Variants in SLC12A5 observed in about 807,000 individuals in gnomAD.
SLC12A5 encodes the protein solute carrier family 12 member 5.
Under a neutral mutation model 124.0 loss-of-function variants are expected in SLC12A5, and 18 were observed. The observed-to-expected ratio is 0.15, with a 90% CI of 0.10 to 0.22. The LOEUF (loss-of-function observed/expected upper bound fraction) is 0.22. Ranked by LOEUF, SLC12A5 falls within the 10% of genes least tolerant of loss-of-function variation. SLC12A5 has a pLI of 1.00. For synonymous variants in SLC12A5, 589 were observed against 568.0 expected (o/e 1.04, Z -0.53); for missense variants, 867 against 1,478.7 (o/e 0.59, Z 6.78).
chr20:46,049,537 G>T (rs773056406), intron 16 of SLC12A5, 85 bp from the exon 17 acceptor site: 13 of 1,500,344 alleles, frequency 8.7e-6, no homozygotes, highest in Admixed American at 2.0e-5. Flanking sequence ...GAGGAGAGAT[G>T]GCTAGATGAC....
chr20:46,035,675 G>C (rs1438656686), intron 3 of SLC12A5, 102 bp from the exon 4 acceptor site: 1 of 1,518,460 alleles, frequency 6.6e-7, no homozygotes, highest in African/African-American at 1.4e-5. Flanking sequence ...GTTGAGAATA[G>C]AGAGAAGAGG....
intron 1 of SLC12A5, among the ~76,000 whole-genome samples, chr20:46,033,481 T>G (rs2084471508): frequency 6.6e-6 from 1 of 152,156 alleles, no homozygotes; most frequent in African/African-American, 2.4e-5. Context: ...CCTCGAGTGA[T>G]CTCATCTAGG....
At chr20:46,026,052 G>T (rs370734615), upstream of SLC12A5, among the ~76,000 whole-genome samples, 12 of 152,194 alleles carry the variant, frequency 7.9e-5, no homozygotes, top group African/African-American at 2.7e-4. Flanking sequence ...AGGTCAAGGG[G>T]CTGGGTTCTA....
chr20:46,054,712 G>A (rs896951108), intron 20 of SLC12A5, among the ~76,000 whole-genome samples: 1 of 152,192 alleles, frequency 6.6e-6, no homozygotes, highest in Non-Finnish European at 1.5e-5. Context: ...TGAGCTGCCT[G>A]CCTTGCAAGA....
At chr20:46,029,029 A>C, upstream of SLC12A5, 6 of 827,464 alleles carry the variant, frequency 7.3e-6, no homozygotes, top group Non-Finnish European at 6.3e-6. Flanking sequence ...CAAGGGGGCC[A>C]CTAGTCGGGC....
intron 6 of SLC12A5, among the ~76,000 whole-genome samples, chr20:46,038,828 A>G (rs1299156238): frequency 6.6e-6 from 1 of 152,224 alleles, no homozygotes; most frequent in Non-Finnish European, 1.5e-5. Context: ...GGAAACCTAG[A>G]ACTAGAAGGT....
chr20:46,046,258 CCTTTCTCT>C, intron 13 of SLC12A5, 72 bp from the exon 14 acceptor site: 1 of 1,314,096 alleles, frequency 7.6e-7, no homozygotes, highest in Non-Finnish European at 1.1e-6. Flanking sequence ...CCCCTTTCCC[CCTTTCTCT>C]GCCCATGCTG....
chr20:46,043,712 C>T lies in SLC12A5; in HGVS notation c.1317C>T (p.Ile439=), dbSNP rs10460627. Reference sequence around the variant, plus strand: ...TCCCCACTGGCACCATCCTGGCCATCGCCACCACCTCTGCTGTCTGTATCC... The same window carrying T: ...TCCCCACTGGCACCATCCTGGCCATTGCCACCACCTCTGCTGTCTGTATCC... ...KSIPTGTILA[I]ATTSAVYISS... The change falls in exon 10 of 26, where the codon ATC becomes ATT. Residue 439 remains isoleucine (I), a synonymous_variant. Coordinates refer to ENST00000243964, the MANE Select transcript of SLC12A5 (RefSeq NM_020708.5). 4.5e-5 allele frequency: 72 copies of T among 1,614,210 alleles called. No homozygotes were observed. The East Asian group carries it at 1.2e-3, about 27-fold the overall frequency.
chr20:46,024,703 G>T (rs1030252814), upstream of SLC12A5, among the ~76,000 whole-genome samples: 4 of 152,236 alleles, frequency 2.6e-5, no homozygotes, highest in Non-Finnish European at 5.9e-5. Flanking sequence ...ATGACTTACA[G>T]GGAGTTAAAG....
intron 1 of SLC12A5, among the ~76,000 whole-genome samples, chr20:46,031,559 G>A (rs568888871): frequency 1.3e-5 from 2 of 152,352 alleles, no homozygotes; most frequent in East Asian, 3.9e-4. Flanking sequence ...ACCCGAGCAA[G>A]AGGGCACTTC....
chr20:46,027,417 T>C (rs987212183), upstream of SLC12A5, among the ~76,000 whole-genome samples: 3 of 152,192 alleles, frequency 2.0e-5, no homozygotes, highest in African/African-American at 7.2e-5. Context: ...ATTGTATTAA[T>C]ACAAGTAAAG....
At chr20:46,021,987 C>T (rs1453952557) in intron 1 of SLC12A5, 20 of 1,031,904 alleles carry the variant, frequency 1.9e-5, no homozygotes, top group African/African-American at 7.1e-5. Context: ...AGACCGGGGG[C>T]GGGGAGGGGT....
intron 9 of SLC12A5, 82 bp from the exon 10 acceptor site, chr20:46,043,551 C>T (rs947142945): frequency 7.0e-7 from 1 of 1,435,904 alleles, no homozygotes; most frequent in Admixed American, 1.7e-5. Flanking sequence ...ACTCACTGAC[C>T]CTGAGGGTGG....
chr20:46,043,995 G>T, intron 11 of SLC12A5, 62 bp downstream of exon 11: 1 of 1,506,506 alleles, frequency 6.6e-7, no homozygotes. Flanking sequence ...CTGAGTTCTG[G>T]GAAACAGACC....
chr20:46,040,762 C>T, intron 7 of SLC12A5, 148 bp downstream of exon 7: 1 of 1,286,636 alleles, frequency 7.8e-7, no homozygotes, highest in Admixed American at 2.6e-5. Context: ...GAAAATCTCT[C>T]TTAGTTTGGG....
At chr20:46,032,431 C>T (rs1242576931) in intron 1 of SLC12A5, among the ~76,000 whole-genome samples, 4 of 152,200 alleles carry the variant, frequency 2.6e-5, no homozygotes, top group Admixed American at 2.0e-4. Context: ...CAAAATCTTG[C>T]GGCTGGATAT....
At chr20:46,022,767 A>G (rs1043187141) in intron 1 of SLC12A5, 5 of 398,452 alleles carry the variant, frequency 1.3e-5, no homozygotes, top group African/African-American at 2.1e-5. Context: ...AGTTACACGC[A>G]GGGCACAGAG....
chr20:46,045,281 T>A lies in SLC12A5; in HGVS notation c.1569+141T>A, dbSNP rs1212619908. On this transcript the variant is annotated intron_variant, in intron 12 of 25. Transcript: ENST00000243964. This position sits in a 1 kb window ranked among gnomAD's most constrained non-coding sequence, Gnocchi z 4.9. ...TGCTCTGTACTGCACTGGCCAGGCC[T>A]ATCTGGCAGGGTCTGAGGCACAGGG... 9.7e-7 allele frequency: 1 copy of A among 1,035,586 alleles called. No homozygotes were observed. The highest frequency in any genetic ancestry group is 1.6e-5 in the African/African-American group (1 of 61,206). The allele number at this position is 1,035,586 out of a possible 1,614,324, so 64.1% of individuals were successfully genotyped here.
upstream of SLC12A5, among the ~76,000 whole-genome samples, chr20:46,026,054 T>G (rs1198935885): frequency 6.6e-6 from 1 of 152,220 alleles, no homozygotes; most frequent in Non-Finnish European, 1.5e-5. Context: ...GTCAAGGGGC[T>G]GGGTTCTAGT....
Sources: gnomAD v4.1 joint callset for allele counts (sites outside exome capture counted in the v4.1 genomes callset) on GRCh38, gnomAD v4.1.1 for gene constraint, Gnocchi (gnomAD v3.1) non-coding constraint, MANE v1.5 for transcripts, NCBI Gene and HGNC (gene_info 2026-07-23, HGNC 2026-07-21) for gene names.